SNTG1: variants seen among roughly 807,000 people sequenced by gnomAD.
The protein encoded by SNTG1 is syntrophin gamma 1.
A neutral mutation model predicts 74.7 loss-of-function variants in SNTG1; 39 were observed. The observed-to-expected ratio is 0.52, with a 90% CI of 0.40 to 0.68. SNTG1 has a LOEUF of 0.68. Ranked by LOEUF, SNTG1 falls within the 30% of genes least tolerant of loss-of-function variation. The probability of loss-of-function intolerance (pLI) is 0.00; values close to 1 mark genes in which losing one functional copy is unlikely to be tolerated. For synonymous variants in SNTG1, 254 were observed against 217.1 expected, an observed-to-expected ratio of 1.17 and a Z score of -1.49; for missense variants, 685 against 609.5, an observed-to-expected ratio of 1.12 and a Z score of -1.30.
intron 1 of SNTG1, among the ~76,000 whole-genome samples, chr8:50,145,886 T>C (rs1188795790): frequency 6.6e-6 from 1 of 151,628 alleles, no homozygotes; most frequent in Non-Finnish European, 1.5e-5. Context: ...GGAAATAATA[T>C]AGCATATTCA....
chr8:50,525,372 C>T (rs1302179472), intron 9 of SNTG1, among the ~76,000 whole-genome samples: 1 of 152,040 alleles, frequency 6.6e-6, no homozygotes, highest in Non-Finnish European at 1.5e-5. Context: ...CTAGGTTCAT[C>T]CTAGTTGGAG....
At chr8:50,628,572 C>T (rs892728511) in intron 13 of SNTG1, among the ~76,000 whole-genome samples, 1 of 151,808 alleles carries the variant, frequency 6.6e-6, no homozygotes, top group African/African-American at 2.4e-5. Flanking sequence ...TCCTGTTGTT[C>T]GTTCTTTGAG....
intron 1 of SNTG1, among the ~76,000 whole-genome samples, chr8:49,971,898 C>T (rs1173479537): frequency 6.6e-6 from 1 of 152,188 alleles, no homozygotes; most frequent in Non-Finnish European, 1.5e-5. Context: ...ATTCCATGCT[C>T]ATGGGTAGGA....
intron 1 of SNTG1, among the ~76,000 whole-genome samples, chr8:50,006,810 C>T (rs1271574333): frequency 1.3e-5 from 2 of 152,146 alleles, no homozygotes; most frequent in African/African-American, 4.8e-5. Flanking sequence ...AAGAACATTT[C>T]CAGCCTCGTG....
chr8:50,560,260 T>C (rs927411259), intron 12 of SNTG1, among the ~76,000 whole-genome samples: 6 of 152,170 alleles, frequency 3.9e-5, no homozygotes, highest in African/African-American at 1.4e-4. Context: ...AATGCATCTA[T>C]ACTGTTGTGG....
intron 2 of SNTG1, among the ~76,000 whole-genome samples, chr8:50,361,762 A>G (rs190787325): frequency 1.6e-4 from 24 of 152,248 alleles, no homozygotes; most frequent in Non-Finnish European, 3.4e-4. Context: ...GCTATTACAC[A>G]TCTAGGCTAC....
rs2093595523 is a variant in SNTG1, at chr8:50,464,846, G to GA, written c.363+14123dup. Among the ~76,000 whole-genome samples, 6 of 150,974 alleles carry GA rather than the reference G, an allele frequency of 4.0e-5. No individual in the cohort carries two copies. In the South Asian group the frequency reaches 8.4e-4, roughly 21 times the overall value. ...ACATAGTATCTGTTAAATAATATCT[G>GA]AAAAAAGTATCCATTTTTCAAGCAG... On this transcript the variant is annotated intron_variant, in intron 8 of 18. Transcript: ENST00000642720.
chr8:50,651,193 A>G lies in SNTG1; in HGVS notation c.850-5716A>G, dbSNP rs1585961629. Among the ~76,000 whole-genome samples, 3 of 147,950 alleles carry G rather than the reference A, an allele frequency of 2.0e-5. No individual in the cohort carries two copies. The South Asian group carries it at 6.4e-4, about 32-fold the overall frequency. ...GAATACCTATTTGTATTTTTTTTCT[A>G]TTTCATTAGTGCCTGCATCCAATAC... On this transcript the variant is annotated intron_variant, in intron 13 of 18. Transcript: ENST00000642720.
intron 1 of SNTG1, among the ~76,000 whole-genome samples, chr8:49,979,167 G>A (rs1278044571): frequency 1.3e-5 from 2 of 152,214 alleles, no homozygotes; most frequent in Non-Finnish European, 1.5e-5. Context: ...TTATGGCTTA[G>A]CAATGAGCAG....
chr8:50,649,208 T>G (rs2095129101), intron 13 of SNTG1, among the ~76,000 whole-genome samples: 1 of 152,148 alleles, frequency 6.6e-6, no homozygotes, highest in Non-Finnish European at 1.5e-5. Context: ...GTACACATAC[T>G]TCTCTAGTGC....
intron 5 of SNTG1, among the ~76,000 whole-genome samples, chr8:50,445,628 G>C (rs117038857): frequency 6.6e-6 from 1 of 152,184 alleles, no homozygotes; most frequent in Admixed American, 6.5e-5. Context: ...GCTGAACGAT[G>C]TATGTGCGAA....
chr8:50,698,363 C>T (rs538406667), intron 15 of SNTG1, among the ~76,000 whole-genome samples: 1 of 152,224 alleles, frequency 6.6e-6, no homozygotes, highest in Admixed American at 6.5e-5. Context: ...TTTGGCTGTT[C>T]ACTTAGTTAG....
At chr8:50,719,691 C>CT (rs2095483098) in intron 17 of SNTG1, among the ~76,000 whole-genome samples, 1 of 152,076 alleles carries the variant, frequency 6.6e-6, no homozygotes, top group Non-Finnish European at 1.5e-5. Flanking sequence ...TGGAAATGTG[C>CT]TGGTGCTTTC....
At chr8:50,726,692 A>G (rs1288106812) in intron 17 of SNTG1, among the ~76,000 whole-genome samples, 4 of 152,134 alleles carry the variant, frequency 2.6e-5, no homozygotes, top group Non-Finnish European at 4.4e-5. Context: ...TACTAAAAAT[A>G]CAAAAAATTA....
At chr8:50,394,129 T>C (rs1587455260) in intron 2 of SNTG1, 83 bp from the exon 3 acceptor site, 2 of 1,087,656 alleles carry the variant, frequency 1.8e-6, no homozygotes, top group East Asian at 5.1e-5. Flanking sequence ...CAAGTTCTGC[T>C]TCACGATTTC....
chr8:50,776,792 GT>G (rs1391468470), intron 18 of SNTG1, among the ~76,000 whole-genome samples: 1 of 151,668 alleles, frequency 6.6e-6, no homozygotes, highest in African/African-American at 2.4e-5. Context: ...ACTTTACTTT[GT>G]TTTTCTTTAG....
intron 4 of SNTG1, among the ~76,000 whole-genome samples, chr8:50,420,075 T>C (rs965908228): frequency 4.0e-5 from 6 of 151,422 alleles, no homozygotes; most frequent in African/African-American, 1.5e-4. Flanking sequence ...TTGAGCAGAG[T>C]CCCCTGAGAA....
intron 3 of SNTG1, among the ~76,000 whole-genome samples, chr8:50,396,129 T>C (rs2092725974): frequency 6.6e-6 from 1 of 152,242 alleles, no homozygotes; most frequent in Non-Finnish European, 1.5e-5. Context: ...ATTTAATTGG[T>C]AATACTGTTA....
chr8:50,694,113 TAAAC>T, intron 15 of SNTG1, among the ~76,000 whole-genome samples: 1 of 147,382 alleles, frequency 6.8e-6, no homozygotes, highest in South Asian at 2.1e-4. Context: ...AGAACATAAA[TAAAC>T]AAATTAGAGA....
Sources: allele counts gnomAD v4.1 joint callset (sites outside exome capture counted in the v4.1 genomes callset), GRCh38; gene constraint gnomAD v4.1.1; transcripts MANE v1.5; gene names NCBI Gene and HGNC (gene_info 2026-07-23, HGNC 2026-07-21).